ARHGAP22: variants seen among roughly 807,000 people sequenced by gnomAD.
ARHGAP22 encodes the protein rho GTPase-activating protein 22.
Under a neutral mutation model 59.1 loss-of-function variants are expected in ARHGAP22, and 48 were observed. That is an observed-to-expected ratio of 0.81 (90% CI 0.64 to 1.03). The LOEUF is 1.03. Ranked by LOEUF, ARHGAP22 falls within the 50% of genes least tolerant of loss-of-function variation. The probability of loss-of-function intolerance (pLI) is 0.00; values close to 1 mark genes in which losing one functional copy is unlikely to be tolerated. For missense variants in ARHGAP22, 1,015 were observed against 958.7 expected (o/e 1.06, Z -0.78); for synonymous variants, 445 against 416.4 (o/e 1.07, Z -0.84).
intron 3 of ARHGAP22, among the ~76,000 whole-genome samples, chr10:48,545,204 T>C (rs758149245): frequency 8.5e-5 from 13 of 152,250 alleles, no homozygotes; most frequent in Non-Finnish European, 1.8e-4. Flanking sequence ...TATTTTCACA[T>C]GTGTACTCAC....
intron 2 of ARHGAP22, among the ~76,000 whole-genome samples, chr10:48,576,453 G>T (rs1263754809): frequency 6.6e-6 from 1 of 152,172 alleles, no homozygotes; most frequent in African/African-American, 2.4e-5. Flanking sequence ...GGACTTACAT[G>T]AAGATAGTCT....
chr10:48,538,116 G>A (rs780662534), intron 3 of ARHGAP22, among the ~76,000 whole-genome samples: 2 of 152,122 alleles, frequency 1.3e-5, no homozygotes, highest in African/African-American at 2.4e-5. Context: ...GTCCAGGATC[G>A]CGGTGGAGCT....
intron 1 of ARHGAP22, among the ~76,000 whole-genome samples, chr10:48,634,208 G>T (rs1017488012): frequency 1.3e-5 from 2 of 152,322 alleles, no homozygotes; most frequent in African/African-American, 4.8e-5. Flanking sequence ...CAGAGGTACT[G>T]CTGTGAGTGA....
At chr10:48,439,199 G>T in the ARHGAP22 span, 1 of 150,790 alleles carries the variant, frequency 6.6e-6, no homozygotes, top group South Asian at 2.1e-4. Flanking sequence ...AAACAAAATG[G>T]GGCACTTTTT....
chr10:48,479,824 G>T, intron 3 of ARHGAP22, 60 bp from the exon 4 acceptor site: 11 of 1,454,932 alleles, frequency 7.6e-6, no homozygotes, highest in Non-Finnish European at 9.1e-6. Flanking sequence ...ACTCTCCACC[G>T]CCGGCACTAG....
chr10:48,442,485 CTGT>C, downstream of ARHGAP22, among the ~76,000 whole-genome samples: 1 of 152,330 alleles, frequency 6.6e-6, no homozygotes, highest in East Asian at 1.9e-4. Flanking sequence ...GAACCAAGTG[CTGT>C]TGTTTCCCTC....
chr10:48,452,580 G>A (rs1019016441), intron 8 of ARHGAP22, among the ~76,000 whole-genome samples: 1 of 152,244 alleles, frequency 6.6e-6, no homozygotes, highest in African/African-American at 2.4e-5. Context: ...TCAGCTGTGG[G>A]CTTCCTGTCT....
intron 4 of ARHGAP22, among the ~76,000 whole-genome samples, chr10:48,476,620 G>T (rs899974080): frequency 6.6e-5 from 10 of 152,224 alleles, no homozygotes; most frequent in Non-Finnish European, 1.2e-4. Flanking sequence ...ACTCCCGGGA[G>T]AAAGGAGATA....
intron 3 of ARHGAP22, among the ~76,000 whole-genome samples, chr10:48,494,616 TGTCC>T (rs2050739677): frequency 2.0e-5 from 3 of 152,156 alleles, no homozygotes; most frequent in African/African-American, 7.2e-5. Context: ...TCCATCCATC[TGTCC>T]GTCCATCCAT....
intron 2 of ARHGAP22, among the ~76,000 whole-genome samples, chr10:48,577,217 C>A (rs2058774121): frequency 6.6e-6 from 1 of 152,152 alleles, no homozygotes; most frequent in Non-Finnish European, 1.5e-5. Context: ...CCTCCTCTGA[C>A]TCTTCCGTAT....
chr10:48,576,005 C>A (rs560793964), intron 2 of ARHGAP22, among the ~76,000 whole-genome samples: 1 of 152,228 alleles, frequency 6.6e-6, no homozygotes, highest in Admixed American at 6.5e-5. Context: ...AACCCACAAC[C>A]TTCACTGACC....
intron 2 of ARHGAP22, among the ~76,000 whole-genome samples, chr10:48,558,374 GT>G (rs2057454395): frequency 6.7e-6 from 1 of 149,242 alleles, no homozygotes; most frequent in South Asian, 2.1e-4. Context: ...GTTTTGTTTT[GT>G]TTTGCTTTTT....
chr10:48,618,631 G>T (rs950441018), intron 1 of ARHGAP22, among the ~76,000 whole-genome samples: 1 of 151,962 alleles, frequency 6.6e-6, no homozygotes, highest in Non-Finnish European at 1.5e-5. Context: ...AAAAACATTA[G>T]ATAAAATTCA....
chr10:48,454,385 G>A (rs1380298943), intron 6 of ARHGAP22, among the ~76,000 whole-genome samples: 3 of 152,186 alleles, frequency 2.0e-5, no homozygotes, highest in South Asian at 2.1e-4. Context: ...TGTGAGGGGT[G>A]AGCCTCTACA....
At chr10:48,530,387 G>A (rs2054726767) in intron 3 of ARHGAP22, among the ~76,000 whole-genome samples, 1 of 151,802 alleles carries the variant, frequency 6.6e-6, no homozygotes, top group South Asian at 2.1e-4. Flanking sequence ...AAACCCAAAA[G>A]CAAATGCAAC....
chr10:48,553,189 C>T (rs1278906358), intron 3 of ARHGAP22, among the ~76,000 whole-genome samples: 1 of 152,240 alleles, frequency 6.6e-6, no homozygotes, highest in Non-Finnish European at 1.5e-5. Flanking sequence ...GATAGCTGCG[C>T]CGCACTCTGC....
intron 1 of ARHGAP22, among the ~76,000 whole-genome samples, chr10:48,589,182 C>G (rs1391676225): frequency 6.6e-6 from 1 of 152,148 alleles, no homozygotes; most frequent in Non-Finnish European, 1.5e-5. Flanking sequence ...TGACCAAATC[C>G]AACCTGAATT....
chr10:48,510,223 G>A (rs1256843435), intron 3 of ARHGAP22, among the ~76,000 whole-genome samples: 45 of 152,176 alleles, frequency 3.0e-4, no homozygotes, highest in Admixed American at 2.9e-3. Flanking sequence ...GCATGAGCAT[G>A]CTCCCCCCAT....
intron 1 of ARHGAP22, among the ~76,000 whole-genome samples, chr10:48,630,309 C>G (rs2061588323): frequency 6.6e-6 from 1 of 152,120 alleles, no homozygotes; most frequent in Non-Finnish European, 1.5e-5. Context: ...CCGGGATGTT[C>G]TCGATCTCTT....
Sources: gnomAD v4.1 joint callset for allele counts (sites outside exome capture counted in the v4.1 genomes callset) on GRCh38, gnomAD v4.1.1 for gene constraint, MANE v1.5 for transcripts, NCBI Gene and HGNC (gene_info 2026-07-23, HGNC 2026-07-21) for gene names.